Variants in AGAP1 observed in about 807,000 individuals in gnomAD.
AGAP1 encodes the protein ArfGAP with GTPase domain, ankyrin repeat and PH domain 1, also known as arf-GAP with GTPase, ANK repeat and PH domain-containing protein 1.
Under a neutral mutation model 105.3 loss-of-function variants are expected in AGAP1, and 29 were observed. That is an observed-to-expected ratio of 0.28 (90% CI 0.21 to 0.38). The LOEUF (loss-of-function observed/expected upper bound fraction) is 0.38, where lower values mean the gene tolerates loss of function less well. AGAP1 is among the 10% of genes least tolerant of loss of function. AGAP1 has a pLI of 1.00. For missense variants in AGAP1, 998 were observed against 1,165.1 expected (o/e 0.86, Z 2.09); for synonymous variants, 509 against 485.9 (o/e 1.05, Z -0.63).
chr2:235,773,009 G>C (rs1955578347), intron 6 of AGAP1, among the ~76,000 whole-genome samples: 1 of 152,192 alleles, frequency 6.6e-6, no homozygotes. Flanking sequence ...ATTGTTCCTG[G>C]TGGAGGGGGT....
In AGAP1 at chr2:235,845,481, G is replaced by T. The variant is rs1961361124; in HGVS notation, c.1051-37864G>T. ...TTGTTCAGCCAGCTGGGCGAACCCT[G>T]GGCTTCCTGAGGACACCCCATTCTT... On this transcript the variant is annotated intron_variant, in intron 9 of 17. Coordinates refer to ENST00000304032, the MANE Select transcript of AGAP1 (RefSeq NM_001037131.3). The surrounding 1 kb of genome is among the most constrained non-coding windows in gnomAD (Gnocchi z 4.8). 6.6e-6 allele frequency among the ~76,000 whole-genome samples: 1 copy of T among 152,008 alleles called. No individual in the cohort carries two copies.
In AGAP1 at chr2:236,036,033, C is replaced by T. The variant is rs2057369018; in HGVS notation, c.1646-528C>T. Among the ~76,000 whole-genome samples, 1 of 152,018 alleles carries T rather than the reference C, an allele frequency of 6.6e-6. No homozygotes were observed. Among genetic ancestry groups the T allele is most frequent in the Non-Finnish European group, 1.5e-5 (1 of 68,014 alleles). On this transcript the variant is annotated intron_variant, in intron 13 of 17. Transcript: ENST00000304032. The surrounding 1 kb of genome is among the most constrained non-coding windows in gnomAD (Gnocchi z 5.7). ...AGATCCTCCTAAGGCACGCGGGATC[C>T]CATGCACTCTCCCTGTCTGAAAACG... is the stretch of plus-strand genomic sequence containing the variant.
intron 10 of AGAP1, among the ~76,000 whole-genome samples, chr2:235,886,809 G>T (rs1210698787): frequency 1.3e-5 from 2 of 152,142 alleles, no homozygotes; most frequent in Admixed American, 1.3e-4. Flanking sequence ...TCCTTCATGG[G>T]TTTCATTTTC....
intron 13 of AGAP1, among the ~76,000 whole-genome samples, chr2:236,029,128 C>A (rs1383601804): frequency 6.6e-6 from 1 of 152,074 alleles, no homozygotes; most frequent in East Asian, 1.9e-4. Context: ...GCATTTTGAC[C>A]TTTCCCATGG....
intron 12 of AGAP1, among the ~76,000 whole-genome samples, chr2:235,941,579 G>A (rs1271479126): frequency 6.6e-6 from 1 of 152,218 alleles, no homozygotes; most frequent in Admixed American, 6.5e-5. Context: ...AGTCGTGCAT[G>A]CATGAGTGTG....
At chr2:235,651,942 G>C (rs2149324631) in intron 1 of AGAP1, among the ~76,000 whole-genome samples, 1 of 152,302 alleles carries the variant, frequency 6.6e-6, no homozygotes, top group East Asian at 1.9e-4. Flanking sequence ...AGGAGAAGGA[G>C]CCCTGTTTTA....
At chr2:235,859,878 G>T (rs1301228329) in intron 9 of AGAP1, among the ~76,000 whole-genome samples, 1 of 152,174 alleles carries the variant, frequency 6.6e-6, no homozygotes, top group Non-Finnish European at 1.5e-5. Flanking sequence ...CTGATTCTAG[G>T]ACAACTCAGT....
intron 1 of AGAP1, among the ~76,000 whole-genome samples, chr2:235,649,788 A>G (rs1367926998): frequency 1.3e-5 from 2 of 152,232 alleles, no homozygotes; most frequent in Non-Finnish European, 2.9e-5. Flanking sequence ...TGTAATGTAC[A>G]GTGCATCAGA....
intron 1 of AGAP1, among the ~76,000 whole-genome samples, chr2:235,589,912 G>T (rs995922206): frequency 6.6e-6 from 1 of 151,302 alleles, no homozygotes; most frequent in East Asian, 2.0e-4. Flanking sequence ...ATGGTATCTC[G>T]TTCTGTCGCC....
chr2:235,513,245 C>T (rs936433453), intron 1 of AGAP1, among the ~76,000 whole-genome samples: 4 of 152,002 alleles, frequency 2.6e-5, no homozygotes, highest in African/African-American at 9.7e-5. Flanking sequence ...CTGTGCCGGG[C>T]GCGGGTGGCT....
intron 1 of AGAP1, among the ~76,000 whole-genome samples, chr2:235,707,558 CTGGTGGGACGTGCTCCCCAGCGTGTGACA>C (rs1950606256): frequency 2.2e-5 from 3 of 134,514 alleles, no homozygotes; most frequent in East Asian, 2.4e-4. Flanking sequence ...GGCGTGTGAC[CTGGTGGGACGTGCTCCCCAGCGTGTGACA>C]TGGTGGGTTG....
At chr2:235,767,385 C>T (rs1040733940) in intron 6 of AGAP1, among the ~76,000 whole-genome samples, 1 of 152,212 alleles carries the variant, frequency 6.6e-6, no homozygotes, top group Admixed American at 6.5e-5. Context: ...TGCGCACCAG[C>T]GAGCACCCGG....
intron 6 of AGAP1, chr2:235,783,289 T>C: frequency 4.3e-6 from 2 of 466,796 alleles, no homozygotes; most frequent in Non-Finnish European, 8.9e-6. Context: ...TTATAACCTT[T>C]TACCTATAGC....
At chr2:235,503,954 G>A (rs1342405579) in intron 1 of AGAP1, among the ~76,000 whole-genome samples, 3 of 152,122 alleles carry the variant, frequency 2.0e-5, no homozygotes, top group African/African-American at 7.2e-5. Context: ...TGGCACGATC[G>A]TGGCTCACTG....
chr2:236,069,867 ATT>A (rs1331946853), intron 16 of AGAP1, among the ~76,000 whole-genome samples: 2 of 152,124 alleles, frequency 1.3e-5, no homozygotes, highest in Non-Finnish European at 2.9e-5. Context: ...GCTTATCTTT[ATT>A]TTCTAATTTT....
chr2:235,529,982 C>T (rs990351522), intron 1 of AGAP1, among the ~76,000 whole-genome samples: 6 of 152,160 alleles, frequency 3.9e-5, no homozygotes, highest in African/African-American at 1.4e-4. Context: ...TCTGAAGCTT[C>T]TGTATGGTTT....
At chr2:235,658,095 G>A (rs1337452654) in intron 1 of AGAP1, among the ~76,000 whole-genome samples, 2 of 152,196 alleles carry the variant, frequency 1.3e-5, no homozygotes, top group Non-Finnish European at 2.9e-5. Context: ...TGGTAAACTC[G>A]TACAGTGATG....
intron 1 of AGAP1, among the ~76,000 whole-genome samples, chr2:235,604,002 A>C (rs1945830178): frequency 6.6e-6 from 1 of 152,172 alleles, no homozygotes; most frequent in African/African-American, 2.4e-5. Context: ...CCCGAGATGA[A>C]GATGAAAAAC....
In AGAP1 at chr2:235,665,442, C is replaced by T. The variant is rs568554057; in HGVS notation, c.164-43737C>T. On this transcript the variant is annotated intron_variant, in intron 1 of 17. Transcript: ENST00000304032. The surrounding 1 kb of genome is among the most constrained non-coding windows in gnomAD (Gnocchi z 5.3). ...CACGTTTAACCTTCAGCTTTTAAAA[C>T]GAGAGAAATAGGGTCCCCAGTGAGT... Among the ~76,000 whole-genome samples, 13 of 152,166 alleles carry T rather than the reference C, an allele frequency of 8.5e-5. No individual in the cohort carries two copies. Among genetic ancestry groups the T allele is most frequent in the Admixed American group, 7.2e-4 (11 of 15,282 alleles).
Sources: allele counts gnomAD v4.1 joint callset (sites outside exome capture counted in the v4.1 genomes callset), GRCh38; gene constraint gnomAD v4.1.1; non-coding constraint Gnocchi (gnomAD v3.1); transcripts MANE v1.5; gene names NCBI Gene and HGNC (gene_info 2026-07-23, HGNC 2026-07-21).